The following TASOR variants were observed in gnomAD, a reference collection of about 807,000 sequenced individuals.
TASOR encodes transcription activation suppressor.
In TASOR, 53 loss-of-function variants were observed where a neutral mutation model predicts 178.6. The observed-to-expected ratio is 0.30, with a 90% confidence interval of 0.24 to 0.37. TASOR has a LOEUF of 0.37. TASOR is among the 10% of genes least tolerant of loss of function. The pLI is 1.00. For synonymous variants in TASOR, 713 were observed against 696.2 expected, an observed-to-expected ratio of 1.02 and a Z score of -0.38; for missense variants, 1,815 against 1,971.4, an observed-to-expected ratio of 0.92 and a Z score of 1.50.
chr3:56,640,158 C>G, intron 15 of TASOR, 28 bp from the exon 16 acceptor site: 1 of 1,596,886 alleles, frequency 6.3e-7, no homozygotes, highest in Non-Finnish European at 8.6e-7. Context: ...CACTGAATAG[C>G]TTTATTTCCA....
intron 4 of TASOR, 90 bp from the exon 5 acceptor site, chr3:56,669,881 T>A: frequency 9.6e-7 from 1 of 1,038,438 alleles, no homozygotes; most frequent in Non-Finnish European, 1.4e-6. Flanking sequence ...TTATCCTTCA[T>A]CAATTTGAGG....
intron 18 of TASOR, among the ~76,000 whole-genome samples, chr3:56,631,589 T>G (rs1250810484): frequency 2.5e-5 from 3 of 120,762 alleles, no homozygotes; most frequent in Non-Finnish European, 3.4e-5. Context: ...TTTTTGTTTT[T>G]TTTTTTTTTT....
rs897429435 is a variant in TASOR at position 56,671,585 on chromosome 3, A to T, written c.570+15T>A. ...AACATCCCCAAATTGTTTTTTATAA[A>T]ATGCGTTAACTCACCTGGTATCGAT... is the stretch of plus-strand genomic sequence containing the variant. On this transcript the variant is annotated intron_variant, in intron 3 of 23. Coordinates refer to ENST00000683822, the MANE Select transcript of TASOR (RefSeq NM_001365635.2). The T allele has an allele frequency of 7.9e-6, 12 of 1,521,836 alleles. No individual in the cohort carries two copies. The highest frequency in any genetic ancestry group is 1.1e-5 in the Non-Finnish European group (12 of 1,130,078). 94.3% of individuals were successfully genotyped at this position (1,521,836 alleles called of 1,614,324 possible). A position where few individuals can be genotyped will look rare whatever the true frequency, so the allele number is the denominator to read the frequency against.
Position 56,683,255 on chromosome 3 carries a change from A to C in TASOR, c.-249T>G. On this transcript the variant is annotated 5_prime_UTR_variant, in exon 1 of 24. Coordinates refer to ENST00000683822, the MANE Select transcript of TASOR (RefSeq NM_001365635.2). ...GTTCTTCTGCCTTCCCCCGCCACTC[A>C]ACGTGCGCGCGTCGGGGCCGGGAGG... The C allele has an allele frequency of 2.4e-6, 1 of 414,720 alleles. No homozygotes were observed. Among genetic ancestry groups the C allele is most frequent in the Non-Finnish European group, 4.3e-6 (1 of 235,242 alleles). 25.7% of individuals were successfully genotyped at this position (414,720 alleles called of 1,614,324 possible). A position where few individuals can be genotyped will look rare whatever the true frequency, so the allele number is the denominator to read the frequency against.
chr3:56,669,230 G>A (rs945611416), intron 5 of TASOR, among the ~76,000 whole-genome samples: 3 of 152,124 alleles, frequency 2.0e-5, no homozygotes, highest in African/African-American at 4.8e-5. Context: ...TAGGCCAGGC[G>A]CAGTGGCTCA....
chr3:56,673,840 C>T, intron 1 of TASOR, 115 bp from the exon 2 acceptor site: 3 of 874,506 alleles, frequency 3.4e-6, no homozygotes, highest in Admixed American at 3.2e-5. Context: ...GGCATCAAGG[C>T]TATCTTACTT....
chr3:56,633,840 G>C lies in TASOR; in HGVS notation c.2951C>G (p.Thr984Arg). Residue 984 changes from threonine to arginine, a missense_variant, in exon 18 of 24, where the codon ACA becomes AGA. Transcript: ENST00000683822. ...YQFPSSPFTD[T>R]LKGTTEDDVL... ...GTCATCCTCAGTGGTGCCCTTTAGT[G>C]TGTCTGTAAATGGAGAGGATGGAAA... 1 of 1,613,954 alleles carries C rather than the reference G, an allele frequency of 6.2e-7. No individual in the cohort carries two copies. The highest frequency in any genetic ancestry group is 8.5e-7 in the Non-Finnish European group (1 of 1,179,940).
At chr3:56,642,369 C>A (rs1467782519) in intron 14 of TASOR, among the ~76,000 whole-genome samples, 2 of 152,178 alleles carry the variant, frequency 1.3e-5, no homozygotes, top group African/African-American at 4.8e-5. Context: ...TGGTTTCATG[C>A]ATGCACTATA....
intron 5 of TASOR, among the ~76,000 whole-genome samples, chr3:56,669,363 C>T (rs1367743236): frequency 1.3e-5 from 2 of 151,966 alleles, no homozygotes; most frequent in African/African-American, 2.4e-5. Context: ...ATTAGCCGGG[C>T]TTGGTGGCGG....
Position 56,633,564 on chromosome 3 carries a change from T to C in TASOR, c.3227A>G (p.Glu1076Gly). Reference sequence around the variant, plus strand: ...CTTCTCATGCAAACCATCTACAAACTCCTGCACACCAGCTTTGGAAGTCTT... The same window carrying C: ...CTTCTCATGCAAACCATCTACAAACCCCTGCACACCAGCTTTGGAAGTCTT... ...YSKTSKAGVQ[E>G]FVDGLHEKLN... The change falls in exon 18 of 24, where the codon GAG becomes GGG. Residue 1076 changes from glutamate to glycine, a missense_variant. Physicochemically the swap from Glu to Gly is moderately conservative, Grantham distance 98 (BLOSUM62 -2). Transcript: ENST00000683822. The C allele has an allele frequency of 6.2e-7, 1 of 1,614,060 alleles. No individual in the cohort carries two copies. Among genetic ancestry groups the C allele is most frequent in the Non-Finnish European group, 8.5e-7 (1 of 1,180,016 alleles).
intron 18 of TASOR, among the ~76,000 whole-genome samples, chr3:56,631,097 A>T (rs1047335841): frequency 6.6e-6 from 1 of 152,140 alleles, no homozygotes; most frequent in Non-Finnish European, 1.5e-5. Context: ...GAAACTCTAC[A>T]TTCAGTCATG....
At position 56,620,358 on chromosome 3, in the gene TASOR, A is replaced by G. The variant is rs1379978075; in HGVS notation, c.*2679T>C. The G allele has an allele frequency of 6.5e-6, 1 of 153,112 alleles. No individual in the cohort carries two copies. The highest frequency in any genetic ancestry group is 1.5e-5 in the Non-Finnish European group (1 of 68,672). 9.5% of individuals were successfully genotyped at this position (153,112 alleles called of 1,614,324 possible). A position where few individuals can be genotyped will look rare whatever the true frequency, so the allele number is the denominator to read the frequency against. Reference sequence around the variant, plus strand: ...TTATACGCATAACCTTACTCACCATACTACTTTTTCTCCCAAACTATTGTG... The same window carrying G: ...TTATACGCATAACCTTACTCACCATGCTACTTTTTCTCCCAAACTATTGTG... On this transcript the variant is annotated 3_prime_UTR_variant, in exon 24 of 24. Coordinates refer to ENST00000683822, the MANE Select transcript of TASOR (RefSeq NM_001365635.2).
intron 18 of TASOR, among the ~76,000 whole-genome samples, chr3:56,631,576 G>GTTTTTTTTTTTT (rs796072760): frequency 9.0e-6 from 1 of 111,016 alleles, no homozygotes. Flanking sequence ...GTGTGTCTGT[G>GTTTTTTTTTTTT]TTTTTTTGTT....
chr3:56,641,824 C>T, intron 14 of TASOR, 72 bp from the exon 15 acceptor site: 3 of 1,443,368 alleles, frequency 2.1e-6, no homozygotes, highest in East Asian at 2.3e-5. Flanking sequence ...TCAAATATAC[C>T]TAAAAAATTA....
intron 16 of TASOR, among the ~76,000 whole-genome samples, chr3:56,639,623 A>G (rs183201661): frequency 3.3e-4 from 51 of 152,368 alleles, no homozygotes; most frequent in Non-Finnish European, 5.3e-4. Flanking sequence ...GTTTGAGAAG[A>G]CAGCATTTAA....
chr3:56,657,236 G>A (rs950222288), intron 11 of TASOR, among the ~76,000 whole-genome samples: 2 of 151,528 alleles, frequency 1.3e-5, no homozygotes, highest in African/African-American at 4.9e-5. Flanking sequence ...ACTGAGGCAA[G>A]GGAATCACTT....
chr3:56,680,031 T>C (rs2031655527), intron 1 of TASOR, among the ~76,000 whole-genome samples: 1 of 152,152 alleles, frequency 6.6e-6, no homozygotes. Context: ...AATATTTCTA[T>C]ATTTAATGAA....
chr3:56,651,476 T>C (rs142839160), intron 11 of TASOR, among the ~76,000 whole-genome samples: 3 of 152,122 alleles, frequency 2.0e-5, no homozygotes, highest in Admixed American at 6.5e-5. Context: ...GGGAGGAGGA[T>C]TGCTTGAAGC....
In TASOR at chr3:56,630,762, T is replaced by G. The variant is rs185224106; in HGVS notation, c.3748-2148A>C. ...TGGGAGGATGAGGCAGGAGAATTGC[T>G]TGACCCCAGAAGGCGGAGGTTGCAG... On this transcript the variant is annotated intron_variant, in intron 18 of 23. Coordinates refer to ENST00000683822, the MANE Select transcript of TASOR (RefSeq NM_001365635.2). Among the ~76,000 whole-genome samples the G allele has an allele frequency of 2.8e-3, 432 of 152,210 alleles. 6 individuals carry two copies. The highest frequency in any genetic ancestry group is 0.01 in the African/African-American group (418 of 41,516).
Sources: allele counts gnomAD v4.1 joint callset (sites outside exome capture counted in the v4.1 genomes callset), GRCh38; gene constraint gnomAD v4.1.1; transcripts MANE v1.5; gene names NCBI Gene and HGNC (gene_info 2026-07-23, HGNC 2026-07-21).